The following DPP9 variants were observed in gnomAD, a reference collection of about 807,000 sequenced individuals.
DPP9 encodes dipeptidyl peptidase 9.
DPP9 carries 50 observed loss-of-function variants against 110.7 expected under a neutral mutation model. The ratio of observed to expected loss-of-function variants is 0.45; its 90% CI spans 0.36 to 0.57. The LOEUF is 0.57. DPP9 is among the 20% of genes least tolerant of loss of function. DPP9 has a pLI of 0.00. For synonymous variants in DPP9, 561 were observed against 514.4 expected (o/e 1.09, Z -1.23); for missense variants, 1,022 against 1,217.9 (o/e 0.84, Z 2.39).
rs1223321736 is a variant in DPP9 at position 4,700,203 on chromosome 19, C to T, written c.1074+13G>A. 1.9e-6 allele frequency: 3 copies of T among 1,557,104 alleles called. No homozygotes were observed. Among genetic ancestry groups the T allele is most frequent in the Non-Finnish European group, 2.6e-6 (3 of 1,142,094 alleles). ...ATCTAGTAGATTATCTGGTATGCAG[C>T]AGGCCCCCTTACCTTGCCCTGGCTG... On this transcript the variant is annotated intron_variant, in intron 10 of 21. Coordinates refer to ENST00000262960, the MANE Select transcript of DPP9 (RefSeq NM_139159.5). This position sits in a 1 kb window ranked among gnomAD's most constrained non-coding sequence, Gnocchi z 4.3.
In DPP9 at chr19:4,682,790, C is replaced by A; in HGVS notation, c.2380G>T (p.Gly794Trp). 6.3e-7 allele frequency: 1 copy of A among 1,599,670 alleles called. No homozygotes were observed. The highest frequency in any genetic ancestry group is 8.5e-7 in the Non-Finnish European group (1 of 1,173,568). ...PVTVWMAYDT[G>W]YTERYMDVPE... is the part of the protein sequence containing the mutation. ...ACGTCCATGTAGCGCTCAGTGTACC[C>A]TGTGTCGTAGGCCATCCAGACGGTG... The change falls in exon 20 of 22, where the codon GGG (glycine) becomes TGG (tryptophan). Residue 794 changes from glycine to tryptophan, a missense_variant. Coordinates refer to ENST00000262960, the MANE Select transcript of DPP9 (RefSeq NM_139159.5). The surrounding 1 kb of genome is among the most constrained non-coding windows in gnomAD (Gnocchi z 7.1).
At chr19:4,691,977 C>T (rs1433378845) in intron 13 of DPP9, among the ~76,000 whole-genome samples, 1 of 151,884 alleles carries the variant, frequency 6.6e-6, no homozygotes, top group Non-Finnish European at 1.5e-5. Flanking sequence ...TGCGCCTGGC[C>T]GACTTTTTTT....
In DPP9 at chr19:4,694,762, C is replaced by A; in HGVS notation, c.1415G>T (p.Arg472Leu). 6.2e-7 allele frequency: 1 copy of A among 1,613,852 alleles called. No homozygotes were observed. Among genetic ancestry groups the A allele is most frequent in the East Asian group, 2.2e-5 (1 of 44,882 alleles). Reference protein sequence around the residue: ...SEGEDELCFLRANECKTGFCH... With the variant: ...SEGEDELCFLLANECKTGFCH... ...GAAGCCGGTCTTGCATTCATTGGCG[C>A]GGAGAAAGCAGAGCTCGTCCTCTCC... The change falls in exon 13 of 22, where the codon CGC (arginine) becomes CTC (leucine). Residue 472 changes from arginine to leucine, a missense_variant. Physicochemically the swap from Arg to Leu is moderately radical, Grantham distance 102. This residue lies in a region of DPP9 where 810 missense variants were observed against 920.6 expected (regional missense o/e 0.88). Transcript: ENST00000262960. The surrounding 1 kb of genome is among the most constrained non-coding windows in gnomAD (Gnocchi z 4.0).
intron 1 of DPP9, among the ~76,000 whole-genome samples, chr19:4,723,233 G>A (rs2093400848): frequency 1.3e-5 from 2 of 152,222 alleles, no homozygotes; most frequent in Non-Finnish European, 2.9e-5. Context: ...GCAGGTCGAG[G>A]GAGGTGGCCT....
intron 8 of DPP9, 108 bp from the exon 9 acceptor site, chr19:4,702,263 C>T: frequency 7.1e-7 from 1 of 1,409,546 alleles, no homozygotes; most frequent in Non-Finnish European, 9.5e-7. Flanking sequence ...GCACCGAGGG[C>T]TCTGAAACCA....
Position 4,688,714 on chromosome 19 carries a change from G to A in DPP9, c.1885+43C>T, listed in dbSNP as rs372624898. 210 of 1,383,354 alleles carry A rather than the reference G, an allele frequency of 1.5e-4. No individual in the cohort carries two copies. The African/African-American group carries it at 2.7e-3, about 18-fold the overall frequency. The allele number at this position is 1,383,354 out of a possible 1,614,324, so 85.7% of individuals were successfully genotyped here. A position where few individuals can be genotyped will look rare whatever the true frequency, so the allele number is the denominator to read the frequency against. Reference sequence around the variant, plus strand: ...GGGGCCCTCGTCCCGTTTTACAGCCGGGCGGGCGGAGGCCTCCGTGGGGCG... The same window carrying A: ...GGGGCCCTCGTCCCGTTTTACAGCCAGGCGGGCGGAGGCCTCCGTGGGGCG... On this transcript the variant is annotated intron_variant, in intron 16 of 21. Transcript: ENST00000262960.
Position 4,711,182 on chromosome 19 carries a change from G to A in DPP9, c.313+2899C>T, listed in dbSNP as rs1193158712. 2.6e-5 allele frequency among the ~76,000 whole-genome samples: 4 copies of A among 152,158 alleles called. No individual in the cohort carries two copies. In the South Asian group the frequency reaches 8.3e-4, roughly 32 times the overall value. On this transcript the variant is annotated intron_variant, in intron 4 of 21. Coordinates refer to ENST00000262960, the MANE Select transcript of DPP9 (RefSeq NM_139159.5). ...TGGAAGGCTCTGGTTCTCAGGCGCT[G>A]CTTCCTGAGGTCCACTGGGCTTTCT...
At chr19:4,679,237 T>C (rs974224171) in intron 21 of DPP9, 2 of 150,434 alleles carry the variant, frequency 1.3e-5, no homozygotes, top group African/African-American at 2.5e-5. Context: ...TCTGCAGAAG[T>C]CCCACCCTCC....
At position 4,682,994 on chromosome 19, in the gene DPP9, TG is replaced by T; in HGVS notation, c.2332-157del. The T allele has an allele frequency of 1.3e-6, 2 of 1,529,614 alleles. No individual in the cohort carries two copies. Among genetic ancestry groups the T allele is most frequent in the South Asian group, 2.4e-5 (2 of 83,088 alleles). The allele number at this position is 1,529,614 out of a possible 1,614,324, so 94.8% of individuals were successfully genotyped here. ...GCAAGGAAGGGGCCCTCAGACCGCG[TG>T]GCCCCCGTGGACGGTGCGTGGCATG... On this transcript the variant is annotated intron_variant, in intron 19 of 21. Coordinates refer to ENST00000262960, the MANE Select transcript of DPP9 (RefSeq NM_139159.5). The surrounding 1 kb of genome is among the most constrained non-coding windows in gnomAD (Gnocchi z 7.1).
intron 4 of DPP9, among the ~76,000 whole-genome samples, chr19:4,713,563 C>T (rs545824225): frequency 7.2e-5 from 11 of 152,340 alleles, no homozygotes; most frequent in Admixed American, 2.6e-4. Context: ...GTGCTGTCAC[C>T]GGCGGCAAAC....
chr19:4,679,973 A>G, intron 20 of DPP9, 27 bp from the exon 21 acceptor site: 1 of 1,563,976 alleles, frequency 6.4e-7, no homozygotes, highest in Non-Finnish European at 8.8e-7. Flanking sequence ...GAAGGGTCTG[A>G]GGCCAGGGAT....
Position 4,697,588 on chromosome 19 carries a change from A to T in DPP9, c.1138T>A (p.Tyr380Asn), listed in dbSNP as rs1275402255. 6.2e-7 allele frequency: 1 copy of T among 1,613,626 alleles called. No individual in the cohort carries two copies. The highest frequency in any genetic ancestry group is 2.2e-5 in the East Asian group (1 of 44,846). ...CGGGTCCACCCGGCCCTGGCGATGT[A>T]CTCCACCTTCGGGAACAGCGAGCTG... ...PFSSLFPKVE[Y>N]IARAGWTRDG... is the part of the protein sequence containing the mutation. Residue 380 changes from tyrosine (Y) to asparagine (N), a missense_variant, in exon 11 of 22, where the codon TAC (tyrosine) becomes AAC (asparagine). Coordinates refer to ENST00000262960, the MANE Select transcript of DPP9 (RefSeq NM_139159.5).
At chr19:4,723,175 G>A (rs1255974424) in intron 1 of DPP9, among the ~76,000 whole-genome samples, 2 of 152,252 alleles carry the variant, frequency 1.3e-5, no homozygotes, top group African/African-American at 4.8e-5. Flanking sequence ...GGGAGACCAA[G>A]CCTCGGGGCG....
chr19:4,678,227 C>T (rs990748385), intron 21 of DPP9, among the ~76,000 whole-genome samples: 1 of 152,174 alleles, frequency 6.6e-6, no homozygotes, highest in Non-Finnish European at 1.5e-5. Context: ...ATTCTCCTGC[C>T]TCAGCCTCCC....
Position 4,695,557 on chromosome 19 carries a change from T to G in DPP9, c.1176-2A>C. ...CGGTCCAGGAACATGGCCCAGGCGCTAAGGGGGAAGATGCGGGGGAAGATG... is the reference window on the plus strand; with the variant it reads ...CGGTCCAGGAACATGGCCCAGGCGCGAAGGGGGAAGATGCGGGGGAAGATG... On this transcript the variant is annotated splice_acceptor_variant, in intron 11 of 21. Transcript: ENST00000262960. LOFTEE classifies it high-confidence loss of function. The surrounding 1 kb of genome is among the most constrained non-coding windows in gnomAD (Gnocchi z 4.7). 4.1e-6 allele frequency: 6 copies of G among 1,451,168 alleles called. No individual in the cohort carries two copies. The highest frequency in any genetic ancestry group is 2.8e-5 in the Admixed American group (1 of 36,136). The allele number at this position is 1,451,168 out of a possible 1,614,324, so 89.9% of individuals were successfully genotyped here.
chr19:4,681,597 C>T (rs905691057), intron 20 of DPP9, among the ~76,000 whole-genome samples: 9 of 152,038 alleles, frequency 5.9e-5, no homozygotes, highest in African/African-American at 1.7e-4. Context: ...GACAGTTTCT[C>T]TCTGTTGCCC....
intron 3 of DPP9, 39 bp from the exon 4 acceptor site, chr19:4,714,376 G>A: frequency 6.9e-7 from 1 of 1,458,276 alleles, no homozygotes; most frequent in South Asian, 1.4e-5. Context: ...AAGGAGAACT[G>A]TTTTACCTAC....
chr19:4,695,542 A>G lies in DPP9; in HGVS notation c.1189T>C (p.Phe397Leu). 1 of 1,495,070 alleles carries G rather than the reference A, an allele frequency of 6.7e-7. No individual in the cohort carries two copies. The highest frequency in any genetic ancestry group is 8.9e-7 in the Non-Finnish European group (1 of 1,124,656). 92.6% of individuals were successfully genotyped at this position (1,495,070 alleles called of 1,614,324 possible). A position where few individuals can be genotyped will look rare whatever the true frequency, so the allele number is the denominator to read the frequency against. ...TRDGKYAWAMFLDRPQQWLQL... is the reference protein window; with the variant it reads ...TRDGKYAWAMLLDRPQQWLQL... ...AGCCACTGCTGGGGCCGGTCCAGGA[A>G]CATGGCCCAGGCGCTAAGGGGGAAG... is the stretch of plus-strand genomic sequence containing the variant. The change falls in exon 12 of 22, where the codon TTC (phenylalanine) becomes CTC (leucine). Residue 397 changes from phenylalanine to leucine, a missense_variant. Coordinates refer to ENST00000262960, the MANE Select transcript of DPP9 (RefSeq NM_139159.5). This position sits in a 1 kb window ranked among gnomAD's most constrained non-coding sequence, Gnocchi z 4.7.
intron 10 of DPP9, among the ~76,000 whole-genome samples, chr19:4,699,818 TC>T (rs1160382901): frequency 6.6e-6 from 1 of 151,938 alleles, no homozygotes; most frequent in African/African-American, 2.4e-5. Flanking sequence ...GAAGTTGGGG[TC>T]CCCCAGCCAT....
Sources: gnomAD v4.1 joint callset for allele counts (sites outside exome capture counted in the v4.1 genomes callset) on GRCh38, gnomAD v4.1.1 for gene constraint, gnomAD v4.1.1 regional missense constraint, Gnocchi (gnomAD v3.1) non-coding constraint, MANE v1.5 for transcripts, NCBI Gene and HGNC (gene_info 2026-07-23, HGNC 2026-07-21) for gene names.